FKBP15: variants seen among roughly 807,000 people sequenced by gnomAD.
The protein encoded by FKBP15 is FKBP prolyl isomerase family member 15.
In FKBP15, 106 loss-of-function variants were observed where a neutral mutation model predicts 158.1. That is an observed-to-expected ratio of 0.67 (90% CI 0.57 to 0.79). The LOEUF is 0.79. Among genes scored for constraint, FKBP15 ranks in the 30% least tolerant of loss-of-function variants. FKBP15 has a pLI of 0.00. For missense variants in FKBP15, 1,287 were observed against 1,479.1 expected (o/e 0.87, Z 2.13); for synonymous variants, 547 against 548.6 (o/e 1.00, Z 0.04).
intron 1 of FKBP15, 125 bp from the exon 2 acceptor site, chr9:113,211,717 G>C: frequency 2.0e-6 from 1 of 489,986 alleles, no homozygotes; most frequent in Non-Finnish European, 3.6e-6. Context: ...TTCAATACTA[G>C]AAACACTTCA....
chr9:113,215,388 G>C (rs906387493), intron 1 of FKBP15, among the ~76,000 whole-genome samples: 1 of 148,572 alleles, frequency 6.7e-6, no homozygotes, highest in African/African-American at 2.5e-5. Context: ...AAAAAAAATA[G>C]AGAACTGCCA....
At position 113,184,429 on chromosome 9, in the gene FKBP15, G is replaced by T; in HGVS notation, c.1609-30C>A. ...AAAAGGGATACCAGAAAGACCTTGT[G>T]AGAAATTATAAAATGAAGAAATACA... On this transcript the variant is annotated intron_variant, in intron 16 of 27. Coordinates refer to ENST00000238256, the MANE Select transcript of FKBP15 (RefSeq NM_015258.2). The surrounding 1 kb of genome is among the most constrained non-coding windows in gnomAD (Gnocchi z 4.5). 1.3e-6 allele frequency: 2 copies of T among 1,488,490 alleles called. No homozygotes were observed. Among genetic ancestry groups the T allele is most frequent in the South Asian group, 2.4e-5 (2 of 83,998 alleles). 92.2% of individuals were successfully genotyped at this position (1,488,490 alleles called of 1,614,324 possible).
rs202182771 is a variant in FKBP15, at chr9:113,211,495, G to C, written c.151C>G (p.Gln51Glu). Residue 51 changes from glutamine to glutamate, a missense_variant, in exon 2 of 28, where the codon CAG (glutamine) becomes GAG (glutamate). By Grantham distance (29) the Gln-to-Glu change is conservative. Coordinates refer to ENST00000238256, the MANE Select transcript of FKBP15 (RefSeq NM_015258.2). ...YTAPKQPKKG[Q>E]GTAATGNQAT... Reference sequence around the variant, plus strand: ...AACTTACCTGTTGCTGCCGTTCCCTGGCCTTTCTTAGGCTGTTTTGGGGCT... The same window carrying C: ...AACTTACCTGTTGCTGCCGTTCCCTCGCCTTTCTTAGGCTGTTTTGGGGCT... The C allele has an allele frequency of 3.7e-6, 6 of 1,608,080 alleles. No homozygotes were observed. The highest frequency in any genetic ancestry group is 5.1e-6 in the Non-Finnish European group (6 of 1,177,426).
At chr9:113,197,986 T>C (rs1158158716) in intron 8 of FKBP15, among the ~76,000 whole-genome samples, 1 of 152,210 alleles carries the variant, frequency 6.6e-6, no homozygotes, top group Non-Finnish European at 1.5e-5. Context: ...CACAGATGAA[T>C]GAGTACAGCA....
chr9:113,168,408 A>C, intron 27 of FKBP15, 52 bp downstream of exon 27: 9 of 1,483,530 alleles, frequency 6.1e-6, no homozygotes, highest in Non-Finnish European at 8.5e-6. Flanking sequence ...CCAGTAGGGA[A>C]GAGCCCCCAG....
rs1387381392 is a variant in FKBP15, at chr9:113,162,516, C to T, written c.*3562G>A. 5.5e-6 allele frequency: 2 copies of T among 362,224 alleles called. No individual in the cohort carries two copies. Among genetic ancestry groups the T allele is most frequent in the African/African-American group, 2.5e-5 (1 of 40,314 alleles). 22.4% of individuals were successfully genotyped at this position (362,224 alleles called of 1,614,324 possible). A position where few individuals can be genotyped will look rare whatever the true frequency, so the allele number is the denominator to read the frequency against. On this transcript the variant is annotated 3_prime_UTR_variant, in exon 28 of 28. Transcript: ENST00000238256. ...TCATTTTCCCCTTTGCCTAGGATGC[C>T]AGGAAGCTTGAAACCAAATGTAGTG...
rs1338231983 is a variant in FKBP15 at position 113,184,122 on chromosome 9, TAA to T, written c.1716+168_1716+169del. On this transcript the variant is annotated intron_variant, in intron 17 of 27. Transcript: ENST00000238256. The surrounding 1 kb of genome is among the most constrained non-coding windows in gnomAD (Gnocchi z 4.5). The stretch of plus-strand genomic sequence containing the variant: ...ATGTTTCCTTCAGAATATATAGTGA[TAA>T]GTCACTTGGACAGAATTAAGCCATA... Among the ~76,000 whole-genome samples, 8 of 152,252 alleles carry T rather than the reference TAA, an allele frequency of 5.3e-5. No homozygotes were observed. Among genetic ancestry groups the T allele is most frequent in the Non-Finnish European group, 1.0e-4 (7 of 68,046 alleles).
At position 113,162,974 on chromosome 9, in the gene FKBP15, A is replaced by T; in HGVS notation, c.*3104T>A. On this transcript the variant is annotated 3_prime_UTR_variant, in exon 28 of 28. Coordinates refer to ENST00000238256, the MANE Select transcript of FKBP15 (RefSeq NM_015258.2). ...AGGGACATGGAGCCCCCTCTTCCAG[A>T]CACTATACTTCCAACTGCCCTTTCT... 1 of 1,449,806 alleles carries T rather than the reference A, an allele frequency of 6.9e-7. No individual in the cohort carries two copies. The highest frequency in any genetic ancestry group is 9.3e-7 in the Non-Finnish European group (1 of 1,080,772). The allele number at this position is 1,449,806 out of a possible 1,614,324, so 89.8% of individuals were successfully genotyped here.
chr9:113,206,711 AATTT>A, intron 3 of FKBP15, 133 bp from the exon 4 acceptor site: 2 of 588,854 alleles, frequency 3.4e-6, no homozygotes, highest in Non-Finnish European at 2.8e-6. Flanking sequence ...AGCGGTTTAA[AATTT>A]TTTTTTTTTT....
chr9:113,173,320 G>T, intron 23 of FKBP15, 133 bp downstream of exon 23: 4 of 886,406 alleles, frequency 4.5e-6, no homozygotes, highest in Non-Finnish European at 6.6e-6. Flanking sequence ...TAACTGACAA[G>T]CTAAACAAGT....
chr9:113,176,819 G>T, intron 20 of FKBP15, 146 bp from the exon 21 acceptor site: 1 of 817,364 alleles, frequency 1.2e-6, no homozygotes, highest in Non-Finnish European at 1.8e-6. Context: ...TGTGATCATA[G>T]CTCACTATAG....
At chr9:113,171,928 C>A (rs1385039385) in intron 23 of FKBP15, among the ~76,000 whole-genome samples, 1 of 151,826 alleles carries the variant, frequency 6.6e-6, no homozygotes, top group African/African-American at 2.4e-5. Context: ...ATACATGTGC[C>A]ATGTTGGTGT....
Position 113,171,263 on chromosome 9 carries a change from T to C in FKBP15, c.2658+318A>G, listed in dbSNP as rs765295184. 1.2e-3 allele frequency among the ~76,000 whole-genome samples: 178 copies of C among 152,158 alleles called. 1 individual carries two copies. Among genetic ancestry groups the C allele is most frequent in the Non-Finnish European group, 1.3e-3 (85 of 68,000 alleles). Reference sequence around the variant, plus strand: ...CAACATGGTGAAACCCTGTCTCTACTAAAAATACAAAAATTAGCTGGGTGT... The same window carrying C: ...CAACATGGTGAAACCCTGTCTCTACCAAAAATACAAAAATTAGCTGGGTGT... On this transcript the variant is annotated intron_variant, in intron 24 of 27. Coordinates refer to ENST00000238256, the MANE Select transcript of FKBP15 (RefSeq NM_015258.2).
rs1461281921 is a variant in FKBP15 at position 113,164,663 on chromosome 9, ACAGT to A, written c.*1411_*1414del. 2.6e-5 allele frequency: 4 copies of A among 152,230 alleles called. No homozygotes were observed. The highest frequency in any genetic ancestry group is 4.4e-5 in the Non-Finnish European group (3 of 68,068). The allele number at this position is 152,230 out of a possible 1,614,324, so 9.4% of individuals were successfully genotyped here. ...TCACCGCCCCTTCCCCCAACCAGTG[ACAGT>A]CAGGCTGTGCTGGCCAAGAGCCCAG... On this transcript the variant is annotated 3_prime_UTR_variant, in exon 28 of 28. Coordinates refer to ENST00000238256, the MANE Select transcript of FKBP15 (RefSeq NM_015258.2).
chr9:113,206,347 A>T, intron 4 of FKBP15, 162 bp downstream of exon 4: 1 of 596,562 alleles, frequency 1.7e-6, no homozygotes, highest in African/African-American at 1.9e-5. Context: ...AGTAAGCAAA[A>T]TGTGATCATT....
At chr9:113,183,970 T>G (rs893032612) in intron 17 of FKBP15, 125 bp from the exon 18 acceptor site, 1 of 695,580 alleles carries the variant, frequency 1.4e-6, no homozygotes, top group Non-Finnish European at 2.5e-6. Context: ...CTAGAACTTA[T>G]GTCCACATGT....
At position 113,162,652 on chromosome 9, in the gene FKBP15, C is replaced by G. The variant is rs10513187; in HGVS notation, c.*3426G>C. 0.028 allele frequency: 32,096 copies of G among 1,126,300 alleles called. 601 individuals are homozygous for G. Among genetic ancestry groups the G allele is most frequent in the Middle Eastern group, 0.065 (242 of 3,712 alleles). The allele number at this position is 1,126,300 out of a possible 1,614,324, so 69.8% of individuals were successfully genotyped here. A position where few individuals can be genotyped will look rare whatever the true frequency, so the allele number is the denominator to read the frequency against. On this transcript the variant is annotated 3_prime_UTR_variant, in exon 28 of 28. Transcript: ENST00000238256. Reference sequence around the variant, plus strand: ...CATACAAGTTATAAATCAATCGGGTCACGTAACTCAACAGCTTTCTACTCC... The same window carrying G: ...CATACAAGTTATAAATCAATCGGGTGACGTAACTCAACAGCTTTCTACTCC...
Position 113,165,162 on chromosome 9 carries a change from G to A in FKBP15, c.*916C>T, listed in dbSNP as rs1001693376. ...AAGTCCTGGTCCCATGAGTTCTAAG[G>A]GAATGGAAGCTGCTCTCAAAGTGAA... On this transcript the variant is annotated 3_prime_UTR_variant, in exon 28 of 28. Transcript: ENST00000238256. The A allele has an allele frequency of 6.6e-6, 1 of 152,090 alleles. No individual in the cohort carries two copies. The highest frequency in any genetic ancestry group is 6.5e-5 in the Admixed American group (1 of 15,268). 9.4% of individuals were successfully genotyped at this position (152,090 alleles called of 1,614,324 possible).
chr9:113,168,431 G>A (rs1302180901), intron 27 of FKBP15, 29 bp downstream of exon 27: 2 of 1,592,008 alleles, frequency 1.3e-6, no homozygotes, highest in East Asian at 4.5e-5. Flanking sequence ...GGGTGTGTGA[G>A]GACTTGACAG....
Sources: gnomAD v4.1 joint callset for allele counts (sites outside exome capture counted in the v4.1 genomes callset) on GRCh38, gnomAD v4.1.1 for gene constraint, Gnocchi (gnomAD v3.1) non-coding constraint, MANE v1.5 for transcripts, NCBI Gene and HGNC (gene_info 2026-07-23, HGNC 2026-07-21) for gene names.